Variants in CNTNAP2 observed in about 807,000 individuals in gnomAD.
CNTNAP2 encodes contactin-associated protein-like 2.
A neutral mutation model predicts 155.2 loss-of-function variants in CNTNAP2; 98 were observed. The ratio of observed to expected loss-of-function variants is 0.63; its 90% CI spans 0.54 to 0.75. The LOEUF is 0.75. CNTNAP2 is among the 30% of genes least tolerant of loss of function. CNTNAP2 has a pLI of 0.00. For synonymous variants in CNTNAP2, 651 were observed against 631.2 expected (o/e 1.03, Z -0.47); for missense variants, 1,727 against 1,688.1 (o/e 1.02, Z -0.40).
At chr7:147,591,864 T>C (rs900564786) in intron 12 of CNTNAP2, among the ~76,000 whole-genome samples, 2 of 152,202 alleles carry the variant, frequency 1.3e-5, no homozygotes, top group Admixed American at 6.5e-5. Flanking sequence ...GTAAACTATT[T>C]GCAGTTCAGG....
chr7:147,007,943 C>A (rs903987106), intron 3 of CNTNAP2, among the ~76,000 whole-genome samples: 1 of 151,948 alleles, frequency 6.6e-6, no homozygotes, highest in South Asian at 2.1e-4. Flanking sequence ...GAAAGAAAAG[C>A]TAAGCTTCTA....
intron 9 of CNTNAP2, among the ~76,000 whole-genome samples, chr7:147,362,319 G>A (rs1287933151): frequency 6.6e-6 from 1 of 152,134 alleles, no homozygotes; most frequent in Non-Finnish European, 1.5e-5. Flanking sequence ...ACTCTTAGTA[G>A]AGACAAGATC....
intron 13 of CNTNAP2, among the ~76,000 whole-genome samples, chr7:147,671,430 G>A (rs533859860): frequency 3.4e-4 from 51 of 152,160 alleles, no homozygotes; most frequent in Non-Finnish European, 6.3e-4. Context: ...TTCAGCTATA[G>A]ACACAGAGTC....
intron 1 of CNTNAP2, among the ~76,000 whole-genome samples, chr7:146,288,159 C>T (rs867432536): frequency 6.6e-5 from 10 of 151,490 alleles, no homozygotes; most frequent in African/African-American, 2.4e-4. Flanking sequence ...TTAGCCAGTC[C>T]TGGTGGTGTT....
intron 3 of CNTNAP2, among the ~76,000 whole-genome samples, chr7:146,918,273 G>T (rs1796433547): frequency 6.6e-6 from 1 of 151,866 alleles, no homozygotes; most frequent in African/African-American, 2.4e-5. Context: ...TTGTTTTATA[G>T]GTCCTGTGAG....
At chr7:146,720,967 A>C (rs182449287) in intron 1 of CNTNAP2, among the ~76,000 whole-genome samples, 204 of 106,404 alleles carry the variant, frequency 1.9e-3, no homozygotes, top group African/African-American at 3.3e-3. Flanking sequence ...TATATACAGT[A>C]TATATATAGA....
chr7:146,833,292 C>CAA (rs1803550962), intron 2 of CNTNAP2, among the ~76,000 whole-genome samples: 1 of 152,084 alleles, frequency 6.6e-6, no homozygotes, highest in Admixed American at 6.6e-5. Context: ...GACTTCGTGG[C>CAA]ATTGGATTTC....
chr7:147,121,332 T>C, intron 6 of CNTNAP2, 169 bp downstream of exon 6: 1 of 646,072 alleles, frequency 1.5e-6, no homozygotes, highest in Non-Finnish European at 2.6e-6. Context: ...ATTTTATTTC[T>C]AAATTTATAA....
intron 1 of CNTNAP2, among the ~76,000 whole-genome samples, chr7:146,155,940 G>A: frequency 6.6e-6 from 1 of 151,862 alleles, no homozygotes; most frequent in East Asian, 1.9e-4. Flanking sequence ...CTGGCCTCAG[G>A]TGATCCTCCC....
At chr7:148,153,020 CAAAAA>C (rs373499312) in intron 17 of CNTNAP2, among the ~76,000 whole-genome samples, 10 of 22,664 alleles carry the variant, frequency 4.4e-4, no homozygotes, top group African/African-American at 1.5e-3. Flanking sequence ...GACTCCGTCT[CAAAAA>C]AAAAAAAAAA....
chr7:146,546,491 G>A (rs1419586155), intron 1 of CNTNAP2, among the ~76,000 whole-genome samples: 2 of 151,864 alleles, frequency 1.3e-5, no homozygotes, highest in Admixed American at 6.6e-5. Context: ...TTTCCCTGTA[G>A]GAGGAGTGAG....
intron 4 of CNTNAP2, among the ~76,000 whole-genome samples, chr7:147,102,936 A>T (rs1288517486): frequency 6.6e-6 from 1 of 152,212 alleles, no homozygotes; most frequent in Non-Finnish European, 1.5e-5. Context: ...CAGCTCCCCA[A>T]AAGTAACCTA....
chr7:148,410,332 G>A lies in CNTNAP2; in HGVS notation c.3796+861G>A, dbSNP rs561113167. The stretch of plus-strand genomic sequence containing the variant: ...CGCCTGTAATCCCAGCACTTCGGGA[G>A]GCCGAGGCAGGTGGATCATTTGAGG... On this transcript the variant is annotated intron_variant, in intron 23 of 23. Coordinates refer to ENST00000361727, the MANE Select transcript of CNTNAP2 (RefSeq NM_014141.6). Among the ~76,000 whole-genome samples the A allele has an allele frequency of 2.6e-5, 4 of 152,208 alleles. No individual in the cohort carries two copies. The South Asian group carries it at 8.3e-4, about 32-fold the overall frequency.
chr7:147,693,178 G>A (rs1796114846), intron 13 of CNTNAP2, among the ~76,000 whole-genome samples: 1 of 151,910 alleles, frequency 6.6e-6, no homozygotes, highest in Non-Finnish European at 1.5e-5. Context: ...ATGTATTCCT[G>A]GGTTCTTTGT....
intron 3 of CNTNAP2, among the ~76,000 whole-genome samples, chr7:146,884,674 A>G (rs1173161054): frequency 1.3e-5 from 2 of 152,098 alleles, no homozygotes; most frequent in East Asian, 3.9e-4. Flanking sequence ...ACTGGAGCAT[A>G]AGTAGAGTGC....
chr7:146,445,433 T>C (rs1416864254), intron 1 of CNTNAP2, among the ~76,000 whole-genome samples: 2 of 152,152 alleles, frequency 1.3e-5, no homozygotes, highest in Admixed American at 6.5e-5. Flanking sequence ...ATACCTTATA[T>C]AATAGAAACC....
intron 1 of CNTNAP2, among the ~76,000 whole-genome samples, chr7:146,438,668 T>C (rs1372791911): frequency 2.0e-5 from 3 of 151,610 alleles, no homozygotes; most frequent in African/African-American, 7.3e-5. Context: ...GTCTTTAATT[T>C]AGTTGTTCTT....
intron 13 of CNTNAP2, among the ~76,000 whole-genome samples, chr7:147,753,826 A>G (rs985093664): frequency 1.3e-5 from 2 of 152,188 alleles, no homozygotes; most frequent in African/African-American, 4.8e-5. Flanking sequence ...AAGTGGCTTT[A>G]CTGCTCAATA....
intron 1 of CNTNAP2, among the ~76,000 whole-genome samples, chr7:146,321,889 T>G (rs1236740476): frequency 6.6e-6 from 1 of 152,172 alleles, no homozygotes. Flanking sequence ...CCATTATTTC[T>G]TTTTTTCACA....
Sources: gnomAD v4.1 joint callset for allele counts (sites outside exome capture counted in the v4.1 genomes callset) on GRCh38, gnomAD v4.1.1 for gene constraint, MANE v1.5 for transcripts, NCBI Gene and HGNC (gene_info 2026-07-23, HGNC 2026-07-21) for gene names.